HEATR9: variants seen among roughly 807,000 people sequenced by gnomAD.
HEATR9 encodes HEAT repeat containing 9.
A neutral mutation model predicts 68.2 loss-of-function variants in HEATR9; 54 were observed. That is an observed-to-expected ratio of 0.79 (90% CI 0.64 to 0.99). The LOEUF is 0.99. HEATR9 is among the 50% of genes least tolerant of loss of function. The pLI, the probability that HEATR9 is intolerant of heterozygous loss-of-function variation, is 0.00. For missense variants in HEATR9, 662 were observed against 679.7 expected, an observed-to-expected ratio of 0.97 and a Z score of 0.29; for synonymous variants, 241 against 253.5, an observed-to-expected ratio of 0.95 and a Z score of 0.47.
rs1456158710 is a variant in HEATR9, at chr17:35,863,538, C to G, written c.589G>C (p.Val197Leu). 4 of 1,614,236 alleles carry G rather than the reference C, an allele frequency of 2.5e-6. No individual in the cohort carries two copies. In the Admixed American group the frequency reaches 6.7e-5, roughly 27 times the overall value. ...AGGGTTCGGTAGGCCTCGTACTTCA[C>G]TTTCTCTGGACCAGTTTGGGCCTAA... ...QQVAQTGPEK[V>L]KYEAYRTLAI... Residue 197 changes from valine to leucine, a missense_variant, in exon 7 of 15, where the codon GTG (valine) becomes CTG (leucine). Transcript: ENST00000604834.
intron 11 of HEATR9, among the ~76,000 whole-genome samples, chr17:35,857,477 G>GT (rs2087814567): frequency 6.6e-6 from 1 of 152,050 alleles, no homozygotes; most frequent in South Asian, 2.1e-4. Flanking sequence ...ATAACACCTA[G>GT]GGCCGGGCGC....
intron 1 of HEATR9, among the ~76,000 whole-genome samples, chr17:35,867,389 C>G (rs537190400): frequency 8.6e-6 from 1 of 116,764 alleles, no homozygotes; most frequent in African/African-American, 3.3e-5. Context: ...GAGCCGAGAT[C>G]ATGCCACTGT....
intron 6 of HEATR9, chr17:35,863,786 C>T: frequency 1.7e-6 from 1 of 600,480 alleles, no homozygotes; most frequent in Non-Finnish European, 2.9e-6. Flanking sequence ...CTTGTAGCCA[C>T]TTGGCCCTGG....
At chr17:35,861,611 CAT>C in intron 8 of HEATR9, 1 of 636,010 alleles carries the variant, frequency 1.6e-6, no homozygotes, top group South Asian at 1.8e-5. Context: ...CCATGCCAAA[CAT>C]ACTCCTCCCT....
intron 8 of HEATR9, among the ~76,000 whole-genome samples, chr17:35,861,774 T>C (rs2088001427): frequency 6.6e-6 from 1 of 152,172 alleles, no homozygotes; most frequent in Admixed American, 6.5e-5. Flanking sequence ...CTACTCCTAC[T>C]TGTCACACCT....
intron 6 of HEATR9, 125 bp from the exon 7 acceptor site, chr17:35,863,684 C>G (rs754296953): frequency 1.0e-4 from 106 of 1,037,068 alleles, no homozygotes; most frequent in Non-Finnish European, 1.5e-4. Context: ...AGTGACCTAT[C>G]TATTCTCAAA....
chr17:35,864,646 A>G lies in HEATR9; in HGVS notation c.454-93T>C, dbSNP rs963143125. 8.8e-6 allele frequency: 14 copies of G among 1,583,974 alleles called. No homozygotes were observed. The African/African-American group carries it at 1.6e-4, about 18-fold the overall frequency. ...CTCATCCAATCCAATCCCTTTTCCT[A>G]CCCTACCTCTGTTTTTCAGGCAAGG... On this transcript the variant is annotated intron_variant, in intron 4 of 14. Coordinates refer to ENST00000604834, the MANE Select transcript of HEATR9 (RefSeq NM_152781.4).
At position 35,859,008 on chromosome 17, in the gene HEATR9, C is replaced by T. The variant is rs746993744; in HGVS notation, c.819G>A (p.Ser273=). ...CTGCCTCCAGAGATGCTTCACTGGA[C>T]GACTTCTTGATCAGTGTCTGTAGTA... ...VPVLQTLIKK[S]SSEASLEAAL... is the part of the protein sequence containing the mutation. The change falls in exon 9 of 15, where the codon TCG becomes TCA. Residue 273 remains serine, a synonymous_variant. Coordinates refer to ENST00000604834, the MANE Select transcript of HEATR9 (RefSeq NM_152781.4). 9 of 1,614,178 alleles carry T rather than the reference C, an allele frequency of 5.6e-6. No individual in the cohort carries two copies. The Admixed American group carries it at 8.3e-5, about 15-fold the overall frequency.
chr17:35,865,402 G>A lies in HEATR9; in HGVS notation c.139-6C>T, dbSNP rs56221144. 0.027 allele frequency: 42,791 copies of A among 1,611,466 alleles called. 882 individuals are homozygous for A. Among genetic ancestry groups the A allele is most frequent in the East Asian group, 0.13 (5,910 of 44,838 alleles). On this transcript the variant is annotated splice_polypyrimidine_tract_variant and splice_region_variant and intron_variant, in intron 2 of 14. Coordinates refer to ENST00000604834, the MANE Select transcript of HEATR9 (RefSeq NM_152781.4). Reference sequence around the variant, plus strand: ...GGAAACTCTTCCTTTGGCATCTGGGGGTTGCAAGTGGCAGAACAGTCAGAG... The same window carrying A: ...GGAAACTCTTCCTTTGGCATCTGGGAGTTGCAAGTGGCAGAACAGTCAGAG...
intron 1 of HEATR9, among the ~76,000 whole-genome samples, chr17:35,867,863 C>A (rs1385568860): frequency 6.6e-6 from 1 of 152,134 alleles, no homozygotes; most frequent in African/African-American, 2.4e-5. Context: ...TCAGGTCAAC[C>A]TCTACCTCCT....
At chr17:35,860,854 G>A (rs2087963189) in intron 8 of HEATR9, among the ~76,000 whole-genome samples, 1 of 151,796 alleles carries the variant, frequency 6.6e-6, no homozygotes, top group South Asian at 2.1e-4. Flanking sequence ...GACCAGCCTG[G>A]CCAATATGGT....
intron 8 of HEATR9, chr17:35,861,461 A>G (rs2087989227): frequency 8.4e-6 from 13 of 1,544,382 alleles, no homozygotes; most frequent in East Asian, 2.2e-5. Flanking sequence ...TTTCTATGAC[A>G]CTTAGATTTA....
rs1355709538 is a variant in HEATR9, at chr17:35,868,738, G to T, written c.5C>A (p.Ala2Asp). Reference sequence around the variant, plus strand: ...AGAGATATCAGTTGATTTTTCATAGGCCATCTTCTTCTCCTGGTGGGGCCA... The same window carrying T: ...AGAGATATCAGTTGATTTTTCATAGTCCATCTTCTTCTCCTGGTGGGGCCA... M[A>D]YEKSTDISDV... The change falls in exon 1 of 15, where the codon GCC (alanine) becomes GAC (aspartate). Residue 2 changes from alanine to aspartate, a missense_variant. Coordinates refer to ENST00000604834, the MANE Select transcript of HEATR9 (RefSeq NM_152781.4). The T allele has an allele frequency of 6.2e-7, 1 of 1,614,096 alleles. No individual in the cohort carries two copies.
At chr17:35,866,653 G>A in intron 2 of HEATR9, 71 bp downstream of exon 2, 1 of 1,413,634 alleles carries the variant, frequency 7.1e-7, no homozygotes, top group East Asian at 2.3e-5. Flanking sequence ...TGGCTTTAAT[G>A]GGAAGGGATA....
At chr17:35,864,727 TC>T in intron 4 of HEATR9, 30 bp downstream of exon 4, 1 of 1,611,342 alleles carries the variant, frequency 6.2e-7, no homozygotes. Context: ...AGGGAGGGAG[TC>T]CCCCACGTCC....
At chr17:35,859,098 G>C in intron 8 of HEATR9, 28 bp from the exon 9 acceptor site, 1 of 1,603,630 alleles carries the variant, frequency 6.2e-7, no homozygotes. Flanking sequence ...TGGCTAAGGG[G>C]AGGGGCTATG....
intron 8 of HEATR9, chr17:35,861,384 T>G: frequency 6.2e-7 from 1 of 1,605,562 alleles, no homozygotes; most frequent in Non-Finnish European, 8.5e-7. Context: ...CTGTAAGCTC[T>G]TTACCAGCTG....
At position 35,868,647 on chromosome 17, in the gene HEATR9, A is replaced by G; in HGVS notation, c.88+8T>C. ...TCTTGGCTCCATTTCTGTCCATCCCAGCCTCACCTTTGGTCTTGTCTGGAT... is the reference window on the plus strand; with the variant it reads ...TCTTGGCTCCATTTCTGTCCATCCCGGCCTCACCTTTGGTCTTGTCTGGAT... On this transcript the variant is annotated splice_region_variant and intron_variant, in intron 1 of 14. Transcript: ENST00000604834. 6.2e-7 allele frequency: 1 copy of G among 1,614,158 alleles called. No homozygotes were observed. Among genetic ancestry groups the G allele is most frequent in the African/African-American group, 1.3e-5 (1 of 75,046 alleles).
chr17:35,856,057 A>C, intron 13 of HEATR9, 116 bp downstream of exon 13: 1 of 1,197,926 alleles, frequency 8.3e-7, no homozygotes, highest in East Asian at 2.4e-5. Flanking sequence ...GAATTCTAAA[A>C]TAAACAACTT....
Sources: gnomAD v4.1 joint callset for allele counts (sites outside exome capture counted in the v4.1 genomes callset) on GRCh38, gnomAD v4.1.1 for gene constraint, MANE v1.5 for transcripts, NCBI Gene and HGNC (gene_info 2026-07-23, HGNC 2026-07-21) for gene names.